LRP1B: variants seen among roughly 807,000 people sequenced by gnomAD.
LRP1B encodes the protein LDL receptor related protein 1B.
In LRP1B, 217 loss-of-function variants were observed where a neutral mutation model predicts 556.6. The observed-to-expected ratio is 0.39, with a 90% CI of 0.35 to 0.44. The LOEUF (loss-of-function observed/expected upper bound fraction) is 0.44, where lower values mean the gene tolerates loss of function less well. Among genes scored for constraint, LRP1B ranks in the 20% least tolerant of loss-of-function variants. The pLI is 1.00. For synonymous variants in LRP1B, 2,047 were observed against 1,865.8 expected, an observed-to-expected ratio of 1.10 and a Z score of -2.50; for missense variants, 5,053 against 5,620.8, an observed-to-expected ratio of 0.90 and a Z score of 3.23.
intron 3 of LRP1B, among the ~76,000 whole-genome samples, chr2:141,433,595 A>G (rs1318452080): frequency 6.6e-6 from 1 of 152,076 alleles, no homozygotes; most frequent in African/African-American, 2.4e-5. Context: ...TGAACATGTC[A>G]TTTCACTATC....
rs2890532 is a variant in LRP1B at position 140,631,613 on chromosome 2, C to T, written c.6800-29974G>A. Among the ~76,000 whole-genome samples the T allele has an allele frequency of 1.0e-3, 152 of 152,144 alleles. 3 individuals carry two copies. The East Asian group carries it at 0.028, about 28-fold the overall frequency. ...AGTAGAAACTTCTCGAGCTAAAATGCAATCATCAAAAGGACAATAAAAAAC... is the reference window on the plus strand; with the variant it reads ...AGTAGAAACTTCTCGAGCTAAAATGTAATCATCAAAAGGACAATAAAAAAC... On this transcript the variant is annotated intron_variant, in intron 41 of 90. Coordinates refer to ENST00000389484, the MANE Select transcript of LRP1B (RefSeq NM_018557.3).
intron 83 of LRP1B, among the ~76,000 whole-genome samples, chr2:140,303,829 G>A (rs1429306594): frequency 6.6e-6 from 1 of 151,342 alleles, no homozygotes; most frequent in Non-Finnish European, 1.5e-5. Context: ...CCAATGACAG[G>A]CCCCAGTGTA....
At position 141,496,961 on chromosome 2, in the gene LRP1B, G is replaced by C. The variant is rs75890294; in HGVS notation, c.206-16428C>G. On this transcript the variant is annotated intron_variant, in intron 2 of 90. Coordinates refer to ENST00000389484, the MANE Select transcript of LRP1B (RefSeq NM_018557.3). ...GATCTGATCATATGATGTCATATCT[G>C]ACAGCTCGGTTCAAATTTTATCAGT... Among the ~76,000 whole-genome samples, 1,119 of 152,078 alleles carry C rather than the reference G, an allele frequency of 7.4e-3. 14 individuals carry two copies. The highest frequency in any genetic ancestry group is 0.026 in the African/African-American group (1,084 of 41,516).
chr2:141,244,688 T>G (rs980931500), intron 5 of LRP1B, among the ~76,000 whole-genome samples: 2 of 152,160 alleles, frequency 1.3e-5, no homozygotes, highest in Non-Finnish European at 2.9e-5. Context: ...CCCATAAATA[T>G]GAGAAAACTA....
chr2:140,477,337 T>C (rs1408879175), intron 59 of LRP1B, among the ~76,000 whole-genome samples: 1 of 152,098 alleles, frequency 6.6e-6, no homozygotes, highest in South Asian at 2.1e-4. Flanking sequence ...TGTGCTTCTA[T>C]ATACCATGTT....
chr2:141,629,989 A>G (rs1206010301), intron 2 of LRP1B, among the ~76,000 whole-genome samples: 2 of 152,168 alleles, frequency 1.3e-5, no homozygotes, highest in African/African-American at 2.4e-5. Flanking sequence ...TTGGATCAAT[A>G]CAATCTTCAA....
intron 3 of LRP1B, among the ~76,000 whole-genome samples, chr2:141,473,211 C>A (rs1424487576): frequency 1.3e-5 from 2 of 152,170 alleles, no homozygotes; most frequent in Middle Eastern, 3.4e-3. Context: ...AAAACTAAGT[C>A]CCTGAAAAAA....
chr2:140,376,585 A>C lies in LRP1B; in HGVS notation c.10638+1595T>G, dbSNP rs145992437. 5.3e-3 allele frequency among the ~76,000 whole-genome samples: 806 copies of C among 152,246 alleles called. 7 individuals carry two copies. Among genetic ancestry groups the C allele is most frequent in the African/African-American group, 0.019 (775 of 41,568 alleles). ...CTCTCCTTTGTGTTTAAAAAAAAAAATGTTTTGACTTTTATTTTGTGAAGA... is the reference window on the plus strand; with the variant it reads ...CTCTCCTTTGTGTTTAAAAAAAAAACTGTTTTGACTTTTATTTTGTGAAGA... On this transcript the variant is annotated intron_variant, in intron 68 of 90. Coordinates refer to ENST00000389484, the MANE Select transcript of LRP1B (RefSeq NM_018557.3).
At chr2:140,894,865 C>T (rs1693904763) in intron 23 of LRP1B, among the ~76,000 whole-genome samples, 1 of 151,798 alleles carries the variant, frequency 6.6e-6, no homozygotes, top group African/African-American at 2.4e-5. Context: ...ATCACTTGAA[C>T]CTGGGAGGCA....
intron 11 of LRP1B, among the ~76,000 whole-genome samples, chr2:141,026,448 C>G (rs1251320389): frequency 1.3e-5 from 2 of 152,168 alleles, no homozygotes; most frequent in Admixed American, 6.6e-5. Flanking sequence ...AAATACTGAT[C>G]ACTAAATTCC....
intron 58 of LRP1B, among the ~76,000 whole-genome samples, chr2:140,485,822 T>A (rs1688442109): frequency 6.8e-6 from 1 of 147,678 alleles, no homozygotes; most frequent in African/African-American, 2.5e-5. Context: ...CCTCTTAAAA[T>A]TTGGGACAAA....
At chr2:140,674,699 T>G (rs1269251929) in intron 41 of LRP1B, among the ~76,000 whole-genome samples, 1 of 152,214 alleles carries the variant, frequency 6.6e-6, no homozygotes, top group Non-Finnish European at 1.5e-5. Context: ...CTTGGGCACG[T>G]GTTCTCAGGA....
intron 86 of LRP1B, among the ~76,000 whole-genome samples, chr2:140,249,275 T>C (rs1401522794): frequency 2.6e-5 from 4 of 151,664 alleles, no homozygotes; most frequent in African/African-American, 7.2e-5. Flanking sequence ...TATTTTGAGA[T>C]CTCCAGATTA....
chr2:141,311,587 G>A (rs982900287), intron 3 of LRP1B, among the ~76,000 whole-genome samples: 3 of 152,150 alleles, frequency 2.0e-5, no homozygotes, highest in Non-Finnish European at 4.4e-5. Flanking sequence ...GTATTTGAGA[G>A]GTAATAGAGG....
chr2:140,985,743 T>C (rs908295285), intron 17 of LRP1B, among the ~76,000 whole-genome samples: 12 of 147,582 alleles, frequency 8.1e-5, no homozygotes, highest in Non-Finnish European at 1.6e-4. Flanking sequence ...TCAATTGTTC[T>C]TTTTTTTTTC....
chr2:141,895,062 A>AAG (rs1553481383), intron 1 of LRP1B, among the ~76,000 whole-genome samples: 1 of 150,686 alleles, frequency 6.6e-6, no homozygotes, highest in Non-Finnish European at 1.5e-5. Flanking sequence ...AAAAAAAAAA[A>AAG]AAAAGAAAAG....
Position 140,475,190 on chromosome 2 carries a change from G to A in LRP1B, c.9573C>T (p.Ala3191=), listed in dbSNP as rs751241683. 1.1e-5 allele frequency: 18 copies of A among 1,604,958 alleles called. No individual in the cohort carries two copies. The highest frequency in any genetic ancestry group is 4.4e-5 in the South Asian group (4 of 90,042). The change falls in exon 60 of 91, where the codon GCC becomes GCT. Residue 3191 remains alanine, a synonymous_variant. Transcript: ENST00000389484. ...IDYVNRRLYW[A]DENHIEFSNM... ...TGCTAAATTCAATGTGATTTTCATC[G>A]GCCCAGTAGAGTCTACGATTAACAT...
In LRP1B at chr2:141,459,312, C is replaced by T. The variant is rs2105038490; in HGVS notation, c.343+21084G>A. Reference sequence around the variant, plus strand: ...CTTGTGAAGAAATATCTTGACCCATCTCCTAAATAAATTGAAAGATCTTAC... The same window carrying T: ...CTTGTGAAGAAATATCTTGACCCATTTCCTAAATAAATTGAAAGATCTTAC... On this transcript the variant is annotated intron_variant, in intron 3 of 90. Coordinates refer to ENST00000389484, the MANE Select transcript of LRP1B (RefSeq NM_018557.3). Among the ~76,000 whole-genome samples, 5 of 152,232 alleles carry T rather than the reference C, an allele frequency of 3.3e-5. No individual in the cohort carries two copies. The South Asian group carries it at 1.0e-3, about 32-fold the overall frequency.
intron 1 of LRP1B, among the ~76,000 whole-genome samples, chr2:142,018,918 A>C (rs530871752): frequency 6.6e-6 from 1 of 152,202 alleles, no homozygotes; most frequent in South Asian, 2.1e-4. Flanking sequence ...AAAGATCTTG[A>C]ATTTAATTAA....
Sources: gnomAD v4.1 joint callset for allele counts (sites outside exome capture counted in the v4.1 genomes callset) on GRCh38, gnomAD v4.1.1 for gene constraint, MANE v1.5 for transcripts, NCBI Gene and HGNC (gene_info 2026-07-23, HGNC 2026-07-21) for gene names.